The following CHODL variants were observed in gnomAD, a reference collection of about 807,000 sequenced individuals.
CHODL encodes transmembrane protein MT75.
A neutral mutation model predicts 34.5 loss-of-function variants in CHODL; 29 were observed. The observed-to-expected ratio is 0.84, with a 90% confidence interval of 0.63 to 1.15. CHODL has a LOEUF of 1.15. Among genes scored for constraint, CHODL ranks in the 50% most tolerant of loss-of-function variants. The pLI, the probability that CHODL is intolerant of heterozygous loss-of-function variation, is 0.00. For synonymous variants in CHODL, 125 were observed against 116.1 expected, an observed-to-expected ratio of 1.08 and a Z score of -0.49; for missense variants, 332 against 332.5, an observed-to-expected ratio of 1.00 and a Z score of 0.01.
intron 2 of CHODL, among the ~76,000 whole-genome samples, chr21:18,169,295 A>T (rs1000905030): frequency 6.6e-5 from 10 of 152,108 alleles, no homozygotes; most frequent in African/African-American, 2.4e-4. Flanking sequence ...ATTCATTAAT[A>T]TATAATTGTG....
chr21:18,075,206 A>C (rs1324128861), intron 2 of CHODL, among the ~76,000 whole-genome samples: 1 of 152,204 alleles, frequency 6.6e-6, no homozygotes, highest in Non-Finnish European at 1.5e-5. Flanking sequence ...TCTCAGCCTC[A>C]TGCCACCTTC....
chr21:18,129,401 A>G (rs1324982626), intron 2 of CHODL, among the ~76,000 whole-genome samples: 3 of 152,302 alleles, frequency 2.0e-5, no homozygotes, highest in East Asian at 3.9e-4. Context: ...TCCTGGCAAC[A>G]TCTATTCAGA....
intron 2 of CHODL, among the ~76,000 whole-genome samples, chr21:18,070,034 C>A (rs1236068855): frequency 1.1e-5 from 1 of 91,224 alleles, no homozygotes; most frequent in East Asian, 2.7e-4. Flanking sequence ...CTCCCCCCCC[C>A]CACCCATTTC....
chr21:17,988,402 T>TTTTA (rs1555847367), intron 1 of CHODL, among the ~76,000 whole-genome samples: 1 of 140,096 alleles, frequency 7.1e-6, no homozygotes. Context: ...TTCCTTTTTT[T>TTTTA]TTATTATTAT....
At chr21:18,162,928 A>G (rs1433491264) in intron 2 of CHODL, among the ~76,000 whole-genome samples, 1 of 152,178 alleles carries the variant, frequency 6.6e-6, no homozygotes, top group Non-Finnish European at 1.5e-5. Flanking sequence ...GGTGTACACC[A>G]ACATGCTCAG....
At chr21:18,038,429 C>A (rs2064336332) in intron 2 of CHODL, among the ~76,000 whole-genome samples, 1 of 151,630 alleles carries the variant, frequency 6.6e-6, no homozygotes, top group Non-Finnish European at 1.5e-5. Context: ...ATTTTTTACA[C>A]AATTTGACAC....
chr21:17,971,629 A>G (rs1408771059), intron 1 of CHODL, among the ~76,000 whole-genome samples: 1 of 152,106 alleles, frequency 6.6e-6, no homozygotes, highest in Non-Finnish European at 1.5e-5. Flanking sequence ...GATTCTGGAT[A>G]TTAACAAGTT....
At chr21:18,128,131 T>G (rs1304895052) in intron 2 of CHODL, among the ~76,000 whole-genome samples, 1 of 150,404 alleles carries the variant, frequency 6.6e-6, no homozygotes, top group Non-Finnish European at 1.5e-5. Context: ...AAACCCCGTC[T>G]CTACTAAAAA....
intron 3 of CHODL, 142 bp downstream of exon 3, chr21:18,257,269 C>A: frequency 1.4e-6 from 1 of 714,788 alleles, no homozygotes; most frequent in Non-Finnish European, 2.2e-6. Flanking sequence ...TCATATCACT[C>A]GTGTAATGAA....
At chr21:18,163,334 C>T (rs905080580) in intron 2 of CHODL, among the ~76,000 whole-genome samples, 1 of 152,162 alleles carries the variant, frequency 6.6e-6, no homozygotes, top group Non-Finnish European at 1.5e-5. Flanking sequence ...ATGGGTGTCA[C>T]TTTCTAAAAA....
chr21:18,144,568 A>G (rs1445335148), intron 2 of CHODL, among the ~76,000 whole-genome samples: 2 of 152,198 alleles, frequency 1.3e-5, no homozygotes, highest in African/African-American at 4.8e-5. Flanking sequence ...TCACACAAAG[A>G]CCACGGGGAT....
rs541728734 is a variant in CHODL, at chr21:18,020,474, A to G, written c.-144-7398A>G. On this transcript the variant is annotated intron_variant, in intron 1 of 6. Coordinates refer to the CHODL transcript ENST00000400127. The stretch of plus-strand genomic sequence containing the variant: ...CCACTATATTTAATTGCTATCCATC[A>G]TTTACACCAAGTAATATGTGGTAAG... Among the ~76,000 whole-genome samples the G allele has an allele frequency of 8.3e-4, 127 of 152,274 alleles. 2 individuals carry two copies. The South Asian group carries it at 0.025, about 30-fold the overall frequency.
intron 1 of CHODL, among the ~76,000 whole-genome samples, chr21:17,972,508 T>C (rs1047432463): frequency 6.6e-6 from 1 of 152,040 alleles, no homozygotes; most frequent in African/African-American, 2.4e-5. Flanking sequence ...ATAGACAAAC[T>C]GAGAGCCAAA....
At chr21:18,122,788 G>A (rs192722034) in intron 2 of CHODL, among the ~76,000 whole-genome samples, 12 of 152,310 alleles carry the variant, frequency 7.9e-5, no homozygotes, top group Admixed American at 5.9e-4. Flanking sequence ...CTTGAACAGT[G>A]ATGTTTCCAT....
At chr21:18,097,377 G>C (rs2146538595) in intron 2 of CHODL, among the ~76,000 whole-genome samples, 1 of 152,246 alleles carries the variant, frequency 6.6e-6, no homozygotes, top group South Asian at 2.1e-4. Flanking sequence ...GAGTAAAGTT[G>C]CAGGATATAA....
At position 18,193,397 on chromosome 21, in the gene CHODL, A is replaced by G. The variant is rs183452136; in HGVS notation, c.-44-63112A>G. Among the ~76,000 whole-genome samples, 60 of 152,070 alleles carry G rather than the reference A, an allele frequency of 3.9e-4. 1 individual carries two copies. Among genetic ancestry groups the G allele is most frequent in the Admixed American group, 2.1e-3 (32 of 15,258 alleles). ...ATTTCGTAGAAATCACTACACAGCAACCTTAACAAATCCTTTGGCTAGGTG... is the reference window on the plus strand; with the variant it reads ...ATTTCGTAGAAATCACTACACAGCAGCCTTAACAAATCCTTTGGCTAGGTG... On this transcript the variant is annotated intron_variant, in intron 2 of 6. Transcript: ENST00000400127.
Position 18,265,026 on chromosome 21 carries a change from A to T in CHODL, c.738-928A>T, listed in dbSNP as rs1165624004. 2.0e-5 allele frequency among the ~76,000 whole-genome samples: 3 copies of T among 152,158 alleles called. No homozygotes were observed. The East Asian group carries it at 5.8e-4, about 29-fold the overall frequency. ...GACAGGGGACTCAAGGAGCAAAATG[A>T]TTTCCAAAATAATTGATCAAAGAAA... On this transcript the variant is annotated intron_variant, in intron 5 of 5. Coordinates refer to ENST00000299295, the MANE Select transcript of CHODL (RefSeq NM_024944.3).
At chr21:18,190,707 GTCA>G (rs1568930101) in intron 2 of CHODL, among the ~76,000 whole-genome samples, 1 of 152,148 alleles carries the variant, frequency 6.6e-6, no homozygotes, top group Admixed American at 6.5e-5. Context: ...GGTTTGATAT[GTCA>G]TCATATCACG....
At chr21:18,016,488 G>T (rs1229335903) in intron 1 of CHODL, among the ~76,000 whole-genome samples, 1 of 152,218 alleles carries the variant, frequency 6.6e-6, no homozygotes, top group Non-Finnish European at 1.5e-5. Context: ...TCATGGGCCA[G>T]GACCAGGCCC....
Sources: allele counts gnomAD v4.1 joint callset (sites outside exome capture counted in the v4.1 genomes callset), GRCh38; gene constraint gnomAD v4.1.1; transcripts MANE v1.5; gene names NCBI Gene and HGNC (gene_info 2026-07-23, HGNC 2026-07-21).